ZNF469: variants seen among roughly 807,000 people sequenced by gnomAD.
ZNF469 encodes the protein zinc finger protein 469.
A neutral mutation model predicts 1.0 loss-of-function variants in ZNF469; 1 was observed. That is an observed-to-expected ratio of 1.00 (90% CI 0.35 to 4.73). ZNF469 has a LOEUF of 4.73. Among genes scored for constraint, ZNF469 ranks in the 30% most tolerant of loss-of-function variants. The pLI, the probability that ZNF469 is intolerant of heterozygous loss-of-function variation, is 0.16. For synonymous variants in ZNF469, 2,703 were observed against 2,363.4 expected, an observed-to-expected ratio of 1.14 and a Z score of -4.17; for missense variants, 6,100 against 5,356.3, an observed-to-expected ratio of 1.14 and a Z score of -4.33.
At chr16:88,297,521 A>G in the ZNF469 span, among the ~76,000 whole-genome samples, 3 of 152,134 alleles carry the variant, frequency 2.0e-5, no homozygotes, top group Non-Finnish European at 4.4e-5. Flanking sequence ...CTCACAGCCC[A>G]CGGCACACGG....
Position 88,439,621 on chromosome 16 carries a change from T to G in ZNF469, c.*289T>G. ...AAGTACTTGAAGAGACAGCAGCCCA[T>G]CCCCTCAGCCCACACCCCTGCGCCC... On this transcript the variant is annotated 3_prime_UTR_variant, in exon 3 of 3. Coordinates refer to ENST00000565624, the MANE Select transcript of ZNF469 (RefSeq NM_001367624.2). 1 of 454,222 alleles carries G rather than the reference T, an allele frequency of 2.2e-6. No individual in the cohort carries two copies. The highest frequency in any genetic ancestry group is 4.4e-5 in the East Asian group (1 of 22,872). 28.1% of individuals were successfully genotyped at this position (454,222 alleles called of 1,614,324 possible).
At chr16:88,235,032 A>T in the ZNF469 span, 2 of 152,184 alleles carry the variant, frequency 1.3e-5, no homozygotes, top group African/African-American at 4.8e-5. Context: ...AAGGAGAGGG[A>T]TGCCGCCAAG....
chr16:88,138,565 G>A, the ZNF469 span, among the ~76,000 whole-genome samples: 2 of 152,176 alleles, frequency 1.3e-5, no homozygotes, highest in Admixed American at 1.3e-4. Flanking sequence ...TAAACTTTAT[G>A]TGGCAGTGTC....
In ZNF469 at chr16:88,431,944, G is replaced by A. The variant is rs190630095; in HGVS notation, c.4474G>A (p.Val1492Met). The A allele has an allele frequency of 7.7e-6, 12 of 1,549,356 alleles. No homozygotes were observed. The highest frequency in any genetic ancestry group is 5.5e-5 in the African/African-American group (4 of 73,144). The change falls in exon 3 of 3, where the codon GTG becomes ATG. Residue 1492 changes from valine to methionine, a missense_variant. Physicochemically the swap from Val to Met is conservative, Grantham distance 21 (BLOSUM62 1). Transcript: ENST00000565624. ...FACADPPQKT[V>M]PSDPPYPSFL... Reference sequence around the variant, plus strand: ...ATGTGCCGACCCTCCCCAGAAGACGGTGCCGTCAGATCCACCGTACCCCTC... The same window carrying A: ...ATGTGCCGACCCTCCCCAGAAGACGATGCCGTCAGATCCACCGTACCCCTC...
chr16:88,379,081 G>T (rs2092515207), upstream of ZNF469, among the ~76,000 whole-genome samples: 1 of 152,220 alleles, frequency 6.6e-6, no homozygotes, highest in South Asian at 2.1e-4. Context: ...GCCTCCCCCT[G>T]CATGGCGCTG....
the ZNF469 span, among the ~76,000 whole-genome samples, chr16:88,125,129 A>T: frequency 6.6e-6 from 1 of 152,140 alleles, no homozygotes; most frequent in Admixed American, 6.5e-5. Flanking sequence ...TTTGTTGAGA[A>T]GAATGTTCTT....
At chr16:88,322,459 C>T in the ZNF469 span, among the ~76,000 whole-genome samples, 3 of 152,232 alleles carry the variant, frequency 2.0e-5, no homozygotes, top group African/African-American at 7.2e-5. Context: ...CCTGAAGCTC[C>T]ACAGCCGCAG....
At chr16:88,371,933 TCACCACCATCATCACCATCAC>T in the ZNF469 span, among the ~76,000 whole-genome samples, 1 of 5,622 alleles carries the variant, frequency 1.8e-4, no homozygotes, top group South Asian at 2.3e-3. Flanking sequence ...ACCATCACCA[TCACCACCATCATCACCATCAC>T]CACCATCATC....
the ZNF469 span, among the ~76,000 whole-genome samples, chr16:88,201,721 T>C: frequency 6.6e-6 from 1 of 152,108 alleles, no homozygotes; most frequent in Non-Finnish European, 1.5e-5. The surrounding 1 kb of genome is among the most constrained non-coding windows in gnomAD (Gnocchi z 5.0). Context: ...TGCAACTCCA[T>C]CTTGAGCAGG....
chr16:88,363,973 G>T, the ZNF469 span, among the ~76,000 whole-genome samples: 25 of 152,324 alleles, frequency 1.6e-4, no homozygotes, highest in South Asian at 2.1e-4. Flanking sequence ...GTGAACCGAT[G>T]ATTTTAATTT....
chr16:88,275,105 A>G, the ZNF469 span, among the ~76,000 whole-genome samples: 1 of 152,218 alleles, frequency 6.6e-6, no homozygotes, highest in Non-Finnish European at 1.5e-5. Flanking sequence ...AAATGCTCCC[A>G]CGAGCTCTGC....
chr16:88,380,399 T>A (rs576638893), upstream of ZNF469, among the ~76,000 whole-genome samples: 8 of 105,810 alleles, frequency 7.6e-5, no homozygotes, highest in South Asian at 3.3e-4. Context: ...AGACACGCCC[T>A]CACACAGACA....
the ZNF469 span, among the ~76,000 whole-genome samples, chr16:88,129,687 T>TACTA: frequency 6.6e-6 from 1 of 152,104 alleles, no homozygotes; most frequent in African/African-American, 2.4e-5. Context: ...ACCCCATCCC[T>TACTA]ACTAAGAATA....
At chr16:88,352,743 T>C in the ZNF469 span, among the ~76,000 whole-genome samples, 1 of 152,182 alleles carries the variant, frequency 6.6e-6, no homozygotes, top group African/African-American at 2.4e-5. Context: ...AAGGGTCTTC[T>C]CTCCCCTCTT....
At chr16:88,210,452 C>T in the ZNF469 span, among the ~76,000 whole-genome samples, 1 of 152,164 alleles carries the variant, frequency 6.6e-6, no homozygotes, top group Non-Finnish European at 1.5e-5. Context: ...AAAAGTGGTT[C>T]TGTTTTTATA....
chr16:88,380,857 T>TAC (rs2092520892), upstream of ZNF469, among the ~76,000 whole-genome samples: 1 of 86,448 alleles, frequency 1.2e-5, no homozygotes, highest in African/African-American at 4.5e-5. Context: ...TGCACTCACA[T>TAC]GCACTCACAC....
the ZNF469 span, among the ~76,000 whole-genome samples, chr16:88,303,321 G>T: frequency 6.6e-6 from 1 of 152,188 alleles, no homozygotes. Flanking sequence ...AGTTCTCCTG[G>T]GCCCCGTTGG....
chr16:88,269,184 G>C, the ZNF469 span, among the ~76,000 whole-genome samples: 1 of 152,194 alleles, frequency 6.6e-6, no homozygotes. Flanking sequence ...GTGGAACTGG[G>C]TTTGAGTCTT....
chr16:88,122,684 C>A, the ZNF469 span, among the ~76,000 whole-genome samples: 1 of 152,150 alleles, frequency 6.6e-6, no homozygotes, highest in Non-Finnish European at 1.5e-5. Context: ...TGGTCAGGAG[C>A]TGGAGGATTT....
Sources: gnomAD v4.1 joint callset for allele counts (sites outside exome capture counted in the v4.1 genomes callset) on GRCh38, gnomAD v4.1.1 for gene constraint, Gnocchi (gnomAD v3.1) non-coding constraint, MANE v1.5 for transcripts, NCBI Gene and HGNC (gene_info 2026-07-23, HGNC 2026-07-21) for gene names.